The following CCDC166 variants were observed in gnomAD, a reference collection of about 807,000 sequenced individuals.
CCDC166 encodes coiled-coil domain containing 166.
Under a neutral mutation model 14.4 loss-of-function variants are expected in CCDC166, and 17 were observed. The observed-to-expected ratio is 1.18, with a 90% CI of 0.81 to 1.77. The LOEUF (loss-of-function observed/expected upper bound fraction) is 1.77, where lower values mean the gene tolerates loss of function less well. Among genes scored for constraint, CCDC166 ranks in the 40% most tolerant of loss-of-function variants. CCDC166 has a pLI of 0.00. For synonymous variants in CCDC166, 336 were observed against 330.1 expected, an observed-to-expected ratio of 1.02 and a Z score of -0.20; for missense variants, 738 against 665.8, an observed-to-expected ratio of 1.11 and a Z score of -1.19.
rs1449544244 is a variant in CCDC166 at position 143,707,237 on chromosome 8, G to C, written c.777C>G (p.His259Gln). 2.1e-6 allele frequency: 3 copies of C among 1,435,302 alleles called. No homozygotes were observed. The highest frequency in any genetic ancestry group is 2.7e-6 in the Non-Finnish European group (3 of 1,098,796). 88.9% of individuals were successfully genotyped at this position (1,435,302 alleles called of 1,614,324 possible). ...LEQREQLHRE[H>Q]EDTRDLARVH... is the part of the protein sequence containing the mutation. ...CACGCGCCAGGTCCCGCGTGTCCTC[G>C]TGCTCGCGGTGCAGTTGCTCGCGCT... Residue 259 changes from histidine (H) to glutamine (Q), a missense_variant, in exon 2 of 2, where the codon CAC becomes CAG. His to Gln is a conservative substitution (Grantham distance 24). Transcript: ENST00000542437. This position sits in a 1 kb window ranked among gnomAD's most constrained non-coding sequence, Gnocchi z 8.0.
rs1326426041 is a variant in CCDC166 at position 143,707,890 on chromosome 8, G to T, written c.220C>A (p.Arg74=). 1.4e-5 allele frequency: 21 copies of T among 1,537,812 alleles called. No homozygotes were observed. Among genetic ancestry groups the T allele is most frequent in the Non-Finnish European group, 1.8e-5 (21 of 1,146,552 alleles). The change falls in exon 1 of 2, where the codon CGG becomes AGG. Residue 74 remains arginine, a synonymous_variant. Transcript: ENST00000542437. This position sits in a 1 kb window ranked among gnomAD's most constrained non-coding sequence, Gnocchi z 8.0. ...GCGCTCACGTAGCTGGCGTAGAGCC[G>T]GTTCTCCTCGCGCAGGCGCAGCGCC... is the stretch of plus-strand genomic sequence containing the variant. The part of the protein sequence containing the change: ...REALRLREEN[R]LYASYVSARA...
rs1554616602 is a variant in CCDC166 at position 143,706,806 on chromosome 8, G to A, written c.1208C>T (p.Pro403Leu). 1 of 1,551,134 alleles carries A rather than the reference G, an allele frequency of 6.4e-7. No individual in the cohort carries two copies. The highest frequency in any genetic ancestry group is 1.4e-5 in the African/African-American group (1 of 73,190). Residue 403 changes from proline (P) to leucine (L), a missense_variant, in exon 2 of 2, where the codon CCC becomes CTC. Physicochemically the swap from Pro to Leu is moderately conservative, Grantham distance 98 (BLOSUM62 -3). Transcript: ENST00000542437. The part of the protein sequence containing the change: ...QDTLRSTKSG[P>L]KLLSGLSRDR... ...CCGGGACAGGCCAGAGAGAAGCTTG[G>A]GGCCAGACTTCGTGGAGCGGAGAGT...
At position 143,707,803 on chromosome 8, in the gene CCDC166, C is replaced by T. The variant is rs61731375; in HGVS notation, c.307G>A (p.Ala103Thr). 3 of 1,540,474 alleles carry T rather than the reference C, an allele frequency of 1.9e-6. No homozygotes were observed. The highest frequency in any genetic ancestry group is 2.4e-5 in the East Asian group (1 of 40,870). Residue 103 changes from alanine to threonine, a missense_variant, in exon 1 of 2, where the codon GCG becomes ACG. By Grantham distance (58) the Ala-to-Thr change is moderately conservative (BLOSUM62 0). Coordinates refer to ENST00000542437, the MANE Select transcript of CCDC166 (RefSeq NM_001162914.1). This position sits in a 1 kb window ranked among gnomAD's most constrained non-coding sequence, Gnocchi z 8.0. ...TCCGCCCGCTGCCAGTGGATCTGCGCTAGGTCCACGCGGTTCTGCTCGTCC... is the reference window on the plus strand; with the variant it reads ...TCCGCCCGCTGCCAGTGGATCTGCGTTAGGTCCACGCGGTTCTGCTCGTCC... ...RLDEQNRVDL[A>T]QIHWQRAELA...
chr8:143,707,950 G>T lies in CCDC166; in HGVS notation c.160C>A (p.Gln54Lys). The part of the protein sequence containing the change: ...QLDTCEESVD[Q>K]VLRENAFLDR... ...AGGAAGGCGTTCTCTCGCAGCACCT[G>T]GTCAACGCTCTCCTCGCAGGTGTCC... The change falls in exon 1 of 2, where the codon CAG becomes AAG. Residue 54 changes from glutamine (Q) to lysine (K), a missense_variant. By Grantham distance (53) the Gln-to-Lys change is moderately conservative. Transcript: ENST00000542437. The surrounding 1 kb of genome is among the most constrained non-coding windows in gnomAD (Gnocchi z 8.0). 1 of 1,537,266 alleles carries T rather than the reference G, an allele frequency of 6.5e-7. No individual in the cohort carries two copies.
Position 143,707,242 on chromosome 8 carries a change from C to A in CCDC166, c.772G>T (p.Glu258Ter). 2 of 1,438,866 alleles carry A rather than the reference C, an allele frequency of 1.4e-6. No individual in the cohort carries two copies. Among genetic ancestry groups the A allele is most frequent in the Middle Eastern group, 2.4e-4 (1 of 4,194 alleles). The allele number at this position is 1,438,866 out of a possible 1,614,324, so 89.1% of individuals were successfully genotyped here. A position where few individuals can be genotyped will look rare whatever the true frequency, so the allele number is the denominator to read the frequency against. ...GCCAGGTCCCGCGTGTCCTCGTGCT[C>A]GCGGTGCAGTTGCTCGCGCTGTTCC... ...LLEQREQLHR[E>*]HEDTRDLARV... The change falls in exon 2 of 2, where the codon GAG becomes TAG. Residue 258 changes from glutamate (E) to a stop codon, truncating the protein, a stop_gained. Coordinates refer to ENST00000542437, the MANE Select transcript of CCDC166 (RefSeq NM_001162914.1). LOFTEE classifies it low-confidence loss of function (END_TRUNC). This position sits in a 1 kb window ranked among gnomAD's most constrained non-coding sequence, Gnocchi z 8.0.
In CCDC166 at chr8:143,707,769, G is replaced by A. The variant is rs1554616914; in HGVS notation, c.341C>T (p.Ser114Leu). Residue 114 changes from serine (S) to leucine (L), a missense_variant, in exon 1 of 2, where the codon TCG becomes TTG. By Grantham distance (145) the Ser-to-Leu change is moderately radical (BLOSUM62 -2). Coordinates refer to ENST00000542437, the MANE Select transcript of CCDC166 (RefSeq NM_001162914.1). This position sits in a 1 kb window ranked among gnomAD's most constrained non-coding sequence, Gnocchi z 8.0. The stretch of plus-strand genomic sequence containing the variant: ...CCCGTCCTCGCGCCCGTGGTAGAGC[G>A]AGGCCAGTTCCGCCCGCTGCCAGTG... ...QIHWQRAELA[S>L]LYHGREDGVR... 7 of 1,539,266 alleles carry A rather than the reference G, an allele frequency of 4.5e-6. No homozygotes were observed. Among genetic ancestry groups the A allele is most frequent in the African/African-American group, 1.4e-5 (1 of 73,050 alleles).
rs1338759824 is a variant in CCDC166 at position 143,707,814 on chromosome 8, C to G, written c.296G>C (p.Arg99Pro). ...CCAGTGGATCTGCGCTAGGTCCACGCGGTTCTGCTCGTCCAGCCGGACGAT... is the reference window on the plus strand; with the variant it reads ...CCAGTGGATCTGCGCTAGGTCCACGGGGTTCTGCTCGTCCAGCCGGACGAT... ...KAIVRLDEQN[R>P]VDLAQIHWQR... The change falls in exon 1 of 2, where the codon CGC becomes CCC. Residue 99 changes from arginine (R) to proline (P), a missense_variant. Physicochemically the swap from Arg to Pro is moderately radical, Grantham distance 103 (BLOSUM62 -2). Coordinates refer to ENST00000542437, the MANE Select transcript of CCDC166 (RefSeq NM_001162914.1). This position sits in a 1 kb window ranked among gnomAD's most constrained non-coding sequence, Gnocchi z 8.0. 28 of 1,539,942 alleles carry G rather than the reference C, an allele frequency of 1.8e-5. No homozygotes were observed. Among genetic ancestry groups the G allele is most frequent in the Non-Finnish European group, 2.4e-5 (27 of 1,146,078 alleles).
Position 143,706,749 on chromosome 8 carries a change from G to T in CCDC166, c.1265C>A (p.Ser422Ter), listed in dbSNP as rs937716923. The change falls in exon 2 of 2, where the codon TCG (serine) becomes TAG (stop). Residue 422 changes from serine (S) to a stop codon, truncating the protein, a stop_gained. Coordinates refer to ENST00000542437, the MANE Select transcript of CCDC166 (RefSeq NM_001162914.1). LOFTEE classifies it low-confidence loss of function (END_TRUNC). ...AGCTTCAGCGTTCACGCTGTCCTCCGACTGTGGGGGGAGAAGAGCCGGATC... is the reference window on the plus strand; with the variant it reads ...AGCTTCAGCGTTCACGCTGTCCTCCTACTGTGGGGGGAGAAGAGCCGGATC... ...DRDPALLPPQ[S>*]EDSVNAEAAA... The T allele has an allele frequency of 1.9e-6, 3 of 1,550,734 alleles. No homozygotes were observed. The highest frequency in any genetic ancestry group is 2.6e-6 in the Non-Finnish European group (3 of 1,146,880).
rs1817566177 is a variant in CCDC166, at chr8:143,707,737, C to T, written c.373G>A (p.Ala125Thr). 2 of 1,532,584 alleles carry T rather than the reference C, an allele frequency of 1.3e-6. No individual in the cohort carries two copies. Among genetic ancestry groups the T allele is most frequent in the Non-Finnish European group, 1.8e-6 (2 of 1,142,548 alleles). 94.9% of individuals were successfully genotyped at this position (1,532,584 alleles called of 1,614,324 possible). A position where few individuals can be genotyped will look rare whatever the true frequency, so the allele number is the denominator to read the frequency against. ...CGCGCCTCCATCTCCAACAGCTGCG[C>T]GCGCACCCCGTCCTCGCGCCCGTGG... ...LYHGREDGVR[A>T]QLLEMEARAA... is the part of the protein sequence containing the mutation. Residue 125 changes from alanine (A) to threonine (T), a missense_variant, in exon 1 of 2, where the codon GCG (alanine) becomes ACG (threonine). Ala to Thr is a moderately conservative substitution (Grantham distance 58, BLOSUM62 0). Coordinates refer to ENST00000542437, the MANE Select transcript of CCDC166 (RefSeq NM_001162914.1). The surrounding 1 kb of genome is among the most constrained non-coding windows in gnomAD (Gnocchi z 8.0).
chr8:143,707,860 C>T lies in CCDC166; in HGVS notation c.250G>A (p.Ala84Thr), dbSNP rs1554616958. ...RLYASYVSAR[A>T]QRCAKAIVRL... ...ACGATGGCTTTGGCGCAGCGCTGGG[C>T]GCGCGCGCTCACGTAGCTGGCGTAG... Residue 84 changes from alanine to threonine, a missense_variant, in exon 1 of 2, where the codon GCC becomes ACC. Ala to Thr is a moderately conservative substitution (Grantham distance 58). Coordinates refer to ENST00000542437, the MANE Select transcript of CCDC166 (RefSeq NM_001162914.1). This position sits in a 1 kb window ranked among gnomAD's most constrained non-coding sequence, Gnocchi z 8.0. The T allele has an allele frequency of 5.9e-6, 9 of 1,537,836 alleles. No individual in the cohort carries two copies. Among genetic ancestry groups the T allele is most frequent in the Non-Finnish European group, 6.1e-6 (7 of 1,145,972 alleles).
In CCDC166 at chr8:143,707,860, C is replaced by A; in HGVS notation, c.250G>T (p.Ala84Ser). The A allele has an allele frequency of 6.5e-7, 1 of 1,537,836 alleles. No individual in the cohort carries two copies. The highest frequency in any genetic ancestry group is 8.7e-7 in the Non-Finnish European group (1 of 1,145,972). ...RLYASYVSAR[A>S]QRCAKAIVRL... The stretch of plus-strand genomic sequence containing the variant: ...ACGATGGCTTTGGCGCAGCGCTGGG[C>A]GCGCGCGCTCACGTAGCTGGCGTAG... Residue 84 changes from alanine (A) to serine (S), a missense_variant, in exon 1 of 2, where the codon GCC becomes TCC. Physicochemically the swap from Ala to Ser is moderately conservative, Grantham distance 99. Coordinates refer to ENST00000542437, the MANE Select transcript of CCDC166 (RefSeq NM_001162914.1). The surrounding 1 kb of genome is among the most constrained non-coding windows in gnomAD (Gnocchi z 8.0).
Position 143,708,004 on chromosome 8 carries a change from G to T in CCDC166, c.106C>A (p.Arg36Ser). The change falls in exon 1 of 2, where the codon CGC (arginine) becomes AGC (serine). Residue 36 changes from arginine (R) to serine (S), a missense_variant. Arg to Ser is a moderately radical substitution (Grantham distance 110). Coordinates refer to ENST00000542437, the MANE Select transcript of CCDC166 (RefSeq NM_001162914.1). ...PLSERAQYLQ[R>S]EHALLSEQLD... ...TGCTCCGAGAGCAGCGCGTGTTCGC[G>T]TTGCAGGTACTGCGCGCGCTCCGAT... 6.6e-7 allele frequency: 1 copy of T among 1,526,270 alleles called. No homozygotes were observed. Among genetic ancestry groups the T allele is most frequent in the Non-Finnish European group, 8.8e-7 (1 of 1,139,464 alleles). 94.5% of individuals were successfully genotyped at this position (1,526,270 alleles called of 1,614,324 possible).
rs1239405289 is a variant in CCDC166, at chr8:143,707,965, C to A, written c.145G>T (p.Glu49Ter). The A allele has an allele frequency of 2.0e-6, 3 of 1,536,466 alleles. No individual in the cohort carries two copies. The highest frequency in any genetic ancestry group is 2.6e-6 in the Non-Finnish European group (3 of 1,146,422). Residue 49 changes from glutamate to a stop codon, truncating the protein, a stop_gained, in exon 1 of 2, where the codon GAG becomes TAG. Transcript: ENST00000542437. LOFTEE classifies it high-confidence loss of function. The surrounding 1 kb of genome is among the most constrained non-coding windows in gnomAD (Gnocchi z 8.0). ...ALLSEQLDTCEESVDQVLREN... is the reference protein window; with the variant it reads ...ALLSEQLDTC ...CGCAGCACCTGGTCAACGCTCTCCT[C>A]GCAGGTGTCCAGCTGCTCCGAGAGC...
At position 143,708,065 on chromosome 8, in the gene CCDC166, TG is replaced by T; in HGVS notation, c.44del (p.Pro15GlnfsTer66). 1.4e-6 allele frequency: 2 copies of T among 1,468,766 alleles called. No individual in the cohort carries two copies. Among genetic ancestry groups the T allele is most frequent in the Non-Finnish European group, 1.8e-6 (2 of 1,110,920 alleles). The allele number at this position is 1,468,766 out of a possible 1,614,324, so 91.0% of individuals were successfully genotyped here. On this transcript the variant is annotated frameshift_variant, in exon 1 of 2. Transcript: ENST00000542437. LOFTEE classifies it high-confidence loss of function. Reference sequence around the variant, plus strand: ...CGGCACCCGCGGCCGCCGCACCACCTGGCTGGCTCCCTGCGCTCGGCCCGCG... The same window carrying T: ...CGGCACCCGCGGCCGCCGCACCACCTGCTGGCTCCCTGCGCTCGGCCCGCG... Reference protein sequence around the residue: ...KKRGPSAGSQPGGAAAAGAEQ... With the variant: ...KKRGPSAGSQXGGAAAAGAEQ...
In CCDC166 at chr8:143,707,696, T is replaced by C; in HGVS notation, c.414A>G (p.Ala138=). ...AGGGCTGCAGCTCTTGCACCTGCTG[T>C]GCCATCTGTGCCGCGCGCGCCTCCA... ...LEMEARAAQM[A]QQVQELQPYK... is the part of the protein sequence containing the mutation. The change falls in exon 1 of 2, where the codon GCA becomes GCG. Residue 138 remains alanine (A), a synonymous_variant. Coordinates refer to ENST00000542437, the MANE Select transcript of CCDC166 (RefSeq NM_001162914.1). The surrounding 1 kb of genome is among the most constrained non-coding windows in gnomAD (Gnocchi z 8.0). 1 of 1,492,260 alleles carries C rather than the reference T, an allele frequency of 6.7e-7. No individual in the cohort carries two copies. Among genetic ancestry groups the C allele is most frequent in the South Asian group, 1.3e-5 (1 of 78,230 alleles). The allele number at this position is 1,492,260 out of a possible 1,614,324, so 92.4% of individuals were successfully genotyped here.
At position 143,707,219 on chromosome 8, in the gene CCDC166, C is replaced by T; in HGVS notation, c.795G>A (p.Leu265=). The change falls in exon 2 of 2, where the codon CTG becomes CTA. Residue 265 remains leucine, a synonymous_variant. Transcript: ENST00000542437. The surrounding 1 kb of genome is among the most constrained non-coding windows in gnomAD (Gnocchi z 8.0). ...TGCGCAGCCAGCCGTGCACACGCGC[C>T]AGGTCCCGCGTGTCCTCGTGCTCGC... ...LHREHEDTRD[L]ARVHGWLRRG... is the part of the protein sequence containing the mutation. 1.4e-6 allele frequency: 2 copies of T among 1,400,932 alleles called. No homozygotes were observed. Among genetic ancestry groups the T allele is most frequent in the Non-Finnish European group, 1.8e-6 (2 of 1,084,248 alleles). 86.8% of individuals were successfully genotyped at this position (1,400,932 alleles called of 1,614,324 possible).
rs1554616976 is a variant in CCDC166 at position 143,707,898 on chromosome 8, T to C, written c.212A>G (p.Glu71Gly). 3 of 1,537,718 alleles carry C rather than the reference T, an allele frequency of 2.0e-6. No individual in the cohort carries two copies. The highest frequency in any genetic ancestry group is 2.0e-5 in the Admixed American group (1 of 50,964). The part of the protein sequence containing the change: ...FLDREALRLR[E>G]ENRLYASYVS... ...GTAGCTGGCGTAGAGCCGGTTCTCC[T>C]CGCGCAGGCGCAGCGCCTCGCGGTC... is the stretch of plus-strand genomic sequence containing the variant. The change falls in exon 1 of 2, where the codon GAG becomes GGG. Residue 71 changes from glutamate (E) to glycine (G), a missense_variant. Glu to Gly is a moderately conservative substitution (Grantham distance 98). Transcript: ENST00000542437. The surrounding 1 kb of genome is among the most constrained non-coding windows in gnomAD (Gnocchi z 8.0).
At position 143,707,703 on chromosome 8, in the gene CCDC166, T is replaced by C; in HGVS notation, c.407A>G (p.Gln136Arg). Reference protein sequence around the residue: ...QLLEMEARAAQMAQQVQELQP... With the variant: ...QLLEMEARAARMAQQVQELQP... ...CAGCTCTTGCACCTGCTGTGCCATC[T>C]GTGCCGCGCGCGCCTCCATCTCCAA... The change falls in exon 1 of 2, where the codon CAG becomes CGG. Residue 136 changes from glutamine (Q) to arginine (R), a missense_variant. Coordinates refer to ENST00000542437, the MANE Select transcript of CCDC166 (RefSeq NM_001162914.1). This position sits in a 1 kb window ranked among gnomAD's most constrained non-coding sequence, Gnocchi z 8.0. 1 of 1,504,546 alleles carries C rather than the reference T, an allele frequency of 6.6e-7. No homozygotes were observed. The highest frequency in any genetic ancestry group is 8.9e-7 in the Non-Finnish European group (1 of 1,127,502). The allele number at this position is 1,504,546 out of a possible 1,614,324, so 93.2% of individuals were successfully genotyped here.
Position 143,707,360 on chromosome 8 carries a change from C to T in CCDC166, c.654G>A (p.Gln218=). The change falls in exon 2 of 2, where the codon CAG becomes CAA. Residue 218 remains glutamine (Q), a synonymous_variant. Transcript: ENST00000542437. The surrounding 1 kb of genome is among the most constrained non-coding windows in gnomAD (Gnocchi z 8.0). The part of the protein sequence containing the change: ...EAVRALVAHT[Q]AIKADNGRLR... ...GGCGTCCGTTGTCCGCTTTGATGGCCTGCGTGTGCGCCACAAGCGCGCGCA... is the reference window on the plus strand; with the variant it reads ...GGCGTCCGTTGTCCGCTTTGATGGCTTGCGTGTGCGCCACAAGCGCGCGCA... 1 of 1,406,456 alleles carries T rather than the reference C, an allele frequency of 7.1e-7. No homozygotes were observed. The highest frequency in any genetic ancestry group is 9.2e-7 in the Non-Finnish European group (1 of 1,086,034). The allele number at this position is 1,406,456 out of a possible 1,614,324, so 87.1% of individuals were successfully genotyped here.
Sources: gnomAD v4.1 joint callset for allele counts on GRCh38, gnomAD v4.1.1 for gene constraint, Gnocchi (gnomAD v3.1) non-coding constraint, MANE v1.5 for transcripts, NCBI Gene and HGNC (gene_info 2026-07-23, HGNC 2026-07-21) for gene names.